Variants in GRM3 observed in about 807,000 individuals in gnomAD.
GRM3 encodes glutamate metabotropic receptor 3.
GRM3 carries 26 observed loss-of-function variants against 70.5 expected under a neutral mutation model. The ratio of observed to expected loss-of-function variants is 0.37; its 90% CI spans 0.27 to 0.51. GRM3 has a LOEUF of 0.51. GRM3 is among the 20% of genes least tolerant of loss of function. The probability of loss-of-function intolerance (pLI) is 0.93; values close to 1 mark genes in which losing one functional copy is unlikely to be tolerated. For missense variants in GRM3, 859 were observed against 1,123.8 expected (o/e 0.76, Z 3.37); for synonymous variants, 443 against 434.9 (o/e 1.02, Z -0.23).
chr7:86,712,848 G>T (rs1235299536), intron 1 of GRM3, among the ~76,000 whole-genome samples: 3 of 152,034 alleles, frequency 2.0e-5, no homozygotes, highest in African/African-American at 7.2e-5. Context: ...ATTTCATTGT[G>T]TATATAACAT....
At chr7:86,699,357 T>C (rs908802003) in intron 1 of GRM3, among the ~76,000 whole-genome samples, 1 of 152,058 alleles carries the variant, frequency 6.6e-6, no homozygotes, top group Non-Finnish European at 1.5e-5. Context: ...ATCTGGATGG[T>C]TCCTGCACTG....
intron 1 of GRM3, among the ~76,000 whole-genome samples, chr7:86,734,328 T>G (rs2116292194): frequency 6.6e-6 from 1 of 152,306 alleles, no homozygotes; most frequent in South Asian, 2.1e-4. Context: ...CATTCATTGT[T>G]GAATTAGTTC....
At chr7:86,864,165 C>A in intron 5 of GRM3, 117 bp from the exon 6 acceptor site, 1 of 694,026 alleles carries the variant, frequency 1.4e-6, no homozygotes. Flanking sequence ...GTCTTTTATC[C>A]CTCACCTCCT....
At chr7:86,732,855 G>T (rs1795766113) in intron 1 of GRM3, among the ~76,000 whole-genome samples, 1 of 152,134 alleles carries the variant, frequency 6.6e-6, no homozygotes, top group Non-Finnish European at 1.5e-5. Context: ...ACCTCACACG[G>T]CAAGACCAAG....
At chr7:86,751,423 A>G (rs977853356) in intron 1 of GRM3, among the ~76,000 whole-genome samples, 2 of 152,104 alleles carry the variant, frequency 1.3e-5, no homozygotes, top group East Asian at 3.9e-4. Flanking sequence ...TGCTCCTTGT[A>G]TCTTTAGAAC....
At chr7:86,808,804 G>A (rs1040560031) in intron 3 of GRM3, among the ~76,000 whole-genome samples, 21 of 152,058 alleles carry the variant, frequency 1.4e-4, no homozygotes, top group Admixed American at 4.6e-4. Context: ...AAGGCATAAG[G>A]TGTGAGCCAC....
At chr7:86,805,945 G>A (rs145136723) in intron 3 of GRM3, among the ~76,000 whole-genome samples, 1,583 of 140,808 alleles carry the variant, frequency 0.011, 26 homozygotes, top group African/African-American at 0.039. Context: ...TCCCCACCCT[G>A]TGTCCAAGTG....
At chr7:86,705,133 G>A (rs1409040184) in intron 1 of GRM3, among the ~76,000 whole-genome samples, 4 of 151,838 alleles carry the variant, frequency 2.6e-5, no homozygotes, top group Admixed American at 2.6e-4. Context: ...AAATCTGGTA[G>A]GTAATGCTAA....
In GRM3 at chr7:86,810,124, C is replaced by A. The variant is rs140646242; in HGVS notation, c.1324+23008C>A. On this transcript the variant is annotated intron_variant, in intron 3 of 5. Transcript: ENST00000361669. ...TTTCACCCGAAGGTGGGATCTCCTG[C>A]TCTTTGGTTTGTGATGACCTTAAAT... Among the ~76,000 whole-genome samples, 24 of 152,160 alleles carry A rather than the reference C, an allele frequency of 1.6e-4. 1 individual carries two copies. Among genetic ancestry groups the A allele is most frequent in the African/African-American group, 5.1e-4 (21 of 41,564 alleles).
intron 3 of GRM3, among the ~76,000 whole-genome samples, chr7:86,832,141 A>G (rs374296572): frequency 5.9e-5 from 9 of 152,070 alleles, no homozygotes; most frequent in East Asian, 5.8e-4. Context: ...CAGGGAGATG[A>G]CACTGTCTTT....
At chr7:86,850,576 T>A in intron 5 of GRM3, 32 bp downstream of exon 5, 1 of 1,438,488 alleles carries the variant, frequency 7.0e-7, no homozygotes, top group Non-Finnish European at 9.8e-7. Flanking sequence ...AACTCCTTCA[T>A]ACATAGCATT....
chr7:86,849,658 G>C (rs183849729), intron 4 of GRM3, among the ~76,000 whole-genome samples: 22 of 152,212 alleles, frequency 1.4e-4, no homozygotes, highest in East Asian at 5.8e-4. Context: ...AGAATGAGAA[G>C]ACATGATAAA....
chr7:86,707,796 T>A (rs987430235), intron 1 of GRM3, among the ~76,000 whole-genome samples: 3 of 152,272 alleles, frequency 2.0e-5, no homozygotes, highest in South Asian at 2.1e-4. Context: ...TCTCTCTTAA[T>A]CAATGTTTGT....
At chr7:86,648,214 A>G (rs1486185090) in intron 1 of GRM3, among the ~76,000 whole-genome samples, 1 of 152,214 alleles carries the variant, frequency 6.6e-6, no homozygotes, top group Admixed American at 6.5e-5. Context: ...TAATAATTTA[A>G]TTTACTAATG....
intron 1 of GRM3, among the ~76,000 whole-genome samples, chr7:86,700,091 A>G (rs898625213): frequency 3.3e-5 from 5 of 151,950 alleles, no homozygotes; most frequent in Admixed American, 3.3e-4. Flanking sequence ...GAACAGAACC[A>G]TCTGTCAGTG....
chr7:86,850,926 G>A (rs1161539668), intron 5 of GRM3, among the ~76,000 whole-genome samples: 1 of 152,106 alleles, frequency 6.6e-6, no homozygotes, highest in Non-Finnish European at 1.5e-5. Context: ...TAAAATAGGG[G>A]ACTGGGCTAG....
chr7:86,818,094 C>T (rs947423709), intron 3 of GRM3, among the ~76,000 whole-genome samples: 11 of 151,992 alleles, frequency 7.2e-5, no homozygotes, highest in Admixed American at 1.3e-4. Flanking sequence ...CCTTCTCAAA[C>T]GATCCATCTA....
chr7:86,691,404 CTT>C (rs1189435177), intron 1 of GRM3, among the ~76,000 whole-genome samples: 2 of 152,004 alleles, frequency 1.3e-5, no homozygotes, highest in African/African-American at 2.4e-5. Context: ...AACCATAACT[CTT>C]ATGTAAATAA....
chr7:86,797,902 TG>T (rs1222801091), intron 3 of GRM3, among the ~76,000 whole-genome samples: 1 of 152,154 alleles, frequency 6.6e-6, no homozygotes, highest in Non-Finnish European at 1.5e-5. Flanking sequence ...ATCCCAGCCG[TG>T]GCTAAAAGGG....
Sources: gnomAD v4.1 joint callset for allele counts (sites outside exome capture counted in the v4.1 genomes callset) on GRCh38, gnomAD v4.1.1 for gene constraint, MANE v1.5 for transcripts, NCBI Gene and HGNC (gene_info 2026-07-23, HGNC 2026-07-21) for gene names.